CAPN2: variants seen among roughly 807,000 people sequenced by gnomAD.
The protein encoded by CAPN2 is calpain-2 catalytic subunit.
A neutral mutation model predicts 102.3 loss-of-function variants in CAPN2; 92 were observed. The observed-to-expected ratio is 0.90, with a 90% CI of 0.76 to 1.07. The LOEUF (loss-of-function observed/expected upper bound fraction) is 1.07. Ranked by LOEUF, CAPN2 falls within the 50% of genes least tolerant of loss-of-function variation. CAPN2 has a pLI of 0.00. For missense variants in CAPN2, 800 were observed against 909.4 expected (o/e 0.88, Z 1.55); for synonymous variants, 340 against 355.4 (o/e 0.96, Z 0.49).
intron 2 of CAPN2, among the ~76,000 whole-genome samples, chr1:223,719,258 C>G (rs1659963420): frequency 6.6e-6 from 1 of 152,042 alleles, no homozygotes. Flanking sequence ...CCAGAAACAG[C>G]CGGCGCAGTG....
chr1:223,747,801 G>A (rs1377163034), intron 5 of CAPN2, among the ~76,000 whole-genome samples: 1 of 152,198 alleles, frequency 6.6e-6, no homozygotes, highest in Non-Finnish European at 1.5e-5. Context: ...GGAGGTCAGA[G>A]AGATCTTGAG....
intron 1 of CAPN2, among the ~76,000 whole-genome samples, chr1:223,713,908 A>C (rs532567406): frequency 6.6e-6 from 1 of 152,322 alleles, no homozygotes; most frequent in South Asian, 2.1e-4. Flanking sequence ...CCATGTCTTC[A>C]TCTAAAAGAA....
Position 223,754,963 on chromosome 1 carries a change from C to A in CAPN2, c.1136-517C>A, listed in dbSNP as rs936417047. 6.6e-6 allele frequency among the ~76,000 whole-genome samples: 1 copy of A among 152,174 alleles called. No homozygotes were observed. The highest frequency in any genetic ancestry group is 1.5e-5 in the Non-Finnish European group (1 of 68,036). ...CCACCCTGCGTTCCAGAGTGACAGA[C>A]CAGTCCCCAAGACAAGCCAGCCTGG... On this transcript the variant is annotated intron_variant, in intron 9 of 20. Coordinates refer to ENST00000295006, the MANE Select transcript of CAPN2 (RefSeq NM_001748.5). This position sits in a 1 kb window ranked among gnomAD's most constrained non-coding sequence, Gnocchi z 4.7.
At chr1:223,745,122 T>C (rs1335387577) in intron 3 of CAPN2, among the ~76,000 whole-genome samples, 184 bp from the exon 4 acceptor site, 1 of 151,230 alleles carries the variant, frequency 6.6e-6, no homozygotes, top group Non-Finnish European at 1.5e-5. Flanking sequence ...GACATGCGCC[T>C]CTGTCTTCGC....
At chr1:223,722,905 A>T (rs996174618) in intron 2 of CAPN2, among the ~76,000 whole-genome samples, 2 of 152,154 alleles carry the variant, frequency 1.3e-5, no homozygotes, top group African/African-American at 4.8e-5. Context: ...TTTAGTTGCC[A>T]AGTCTCCTTC....
chr1:223,767,525 T>A (rs1430238901), intron 16 of CAPN2, among the ~76,000 whole-genome samples: 1 of 151,298 alleles, frequency 6.6e-6, no homozygotes, highest in South Asian at 2.1e-4. Context: ...GAACTCATCA[T>A]TTTTTATGGC....
rs1044414061 is a variant in CAPN2, at chr1:223,756,789, G to A, written c.1306-580G>A. On this transcript the variant is annotated intron_variant, in intron 10 of 20. Coordinates refer to ENST00000295006, the MANE Select transcript of CAPN2 (RefSeq NM_001748.5). The surrounding 1 kb of genome is among the most constrained non-coding windows in gnomAD (Gnocchi z 4.1). ...AGGACTTCGGATCTGGGACAGAATC[G>A]ATCCAAGGACAATGCAAATGGAATT... Among the ~76,000 whole-genome samples, 8 of 152,196 alleles carry A rather than the reference G, an allele frequency of 5.3e-5. No homozygotes were observed. Among genetic ancestry groups the A allele is most frequent in the Admixed American group, 3.3e-4 (5 of 15,282 alleles).
intron 2 of CAPN2, among the ~76,000 whole-genome samples, chr1:223,728,081 A>C (rs1489560662): frequency 6.6e-6 from 1 of 151,600 alleles, no homozygotes; most frequent in Non-Finnish European, 1.5e-5. Flanking sequence ...TATGCGTTAC[A>C]GTTCAGACTC....
chr1:223,730,674 G>C (rs1660316781), intron 2 of CAPN2, among the ~76,000 whole-genome samples: 1 of 152,144 alleles, frequency 6.6e-6, no homozygotes, highest in South Asian at 2.1e-4. Flanking sequence ...AGGCTGGTCA[G>C]CTGTGCCTGA....
chr1:223,741,702 G>A (rs531280566), intron 2 of CAPN2, among the ~76,000 whole-genome samples: 76 of 152,068 alleles, frequency 5.0e-4, no homozygotes, highest in African/African-American at 1.6e-3. Context: ...CTATCTGCCC[G>A]CCTTGGCCTC....
intron 5 of CAPN2, among the ~76,000 whole-genome samples, chr1:223,747,368 C>T (rs1257686073): frequency 1.3e-5 from 2 of 152,170 alleles, no homozygotes; most frequent in Non-Finnish European, 1.5e-5. Context: ...CAAGAAATGG[C>T]ATACAAATGT....
At chr1:223,748,895 GCAGCC>G (rs1660816211) in intron 5 of CAPN2, 139 bp from the exon 6 acceptor site, 1 of 729,998 alleles carries the variant, frequency 1.4e-6, no homozygotes, top group South Asian at 1.5e-5. Context: ...GCAAGAAAGC[GCAGCC>G]CTGAGCCTCC....
intron 7 of CAPN2, among the ~76,000 whole-genome samples, chr1:223,751,591 A>T (rs1660899444): frequency 6.8e-6 from 1 of 147,694 alleles, no homozygotes; most frequent in Admixed American, 6.7e-5. Flanking sequence ...CCGTGGACAG[A>T]GAGACACCTG....
chr1:223,760,580 T>C (rs1661159726), intron 12 of CAPN2, among the ~76,000 whole-genome samples: 1 of 152,168 alleles, frequency 6.6e-6, no homozygotes, highest in Non-Finnish European at 1.5e-5. Flanking sequence ...CTGAGGATGC[T>C]TAGAGGAAGA....
intron 2 of CAPN2, among the ~76,000 whole-genome samples, chr1:223,743,453 C>A (rs1420921713): frequency 6.6e-6 from 1 of 152,090 alleles, no homozygotes; most frequent in Non-Finnish European, 1.5e-5. Context: ...TCTAGCACTA[C>A]GTTTTCTTTC....
intron 11 of CAPN2, chr1:223,757,992 C>G (rs1415143837): frequency 6.6e-6 from 1 of 152,282 alleles, no homozygotes; most frequent in Non-Finnish European, 1.5e-5. Flanking sequence ...TCCCCAGTAG[C>G]TGGGACTACA....
chr1:223,708,091 A>G (rs12057708), upstream of CAPN2, among the ~76,000 whole-genome samples: 12,777 of 152,244 alleles, frequency 0.084, 1,290 homozygotes, highest in African/African-American at 0.21. Flanking sequence ...TGATGGCTTC[A>G]TGAAACCCTT....
upstream of CAPN2, among the ~76,000 whole-genome samples, chr1:223,712,038 A>C (rs1659741577): frequency 6.6e-6 from 1 of 152,218 alleles, no homozygotes; most frequent in Non-Finnish European, 1.5e-5. Flanking sequence ...TGGGGACGTC[A>C]TTTAGCGTCT....
Position 223,749,127 on chromosome 1 carries a change from C to T in CAPN2, c.813+5C>T, listed in dbSNP as rs944278433. On this transcript the variant is annotated splice_donor_5th_base_variant and intron_variant, in intron 6 of 20. Transcript: ENST00000295006. ...TCGGTCACCGGAGCCGAGGAGGTAA[C>T]GGCCGGCGCGGATGTGCAGGGGTCC... The T allele has an allele frequency of 6.2e-7, 1 of 1,613,394 alleles. No homozygotes were observed. Among genetic ancestry groups the T allele is most frequent in the Non-Finnish European group, 8.5e-7 (1 of 1,179,352 alleles).
Sources: gnomAD v4.1 joint callset for allele counts (sites outside exome capture counted in the v4.1 genomes callset) on GRCh38, gnomAD v4.1.1 for gene constraint, Gnocchi (gnomAD v3.1) non-coding constraint, MANE v1.5 for transcripts, NCBI Gene and HGNC (gene_info 2026-07-23, HGNC 2026-07-21) for gene names.